SPOCK1: variants seen among roughly 807,000 people sequenced by gnomAD.
SPOCK1 encodes SPARC (osteonectin), cwcv and kazal like domains proteoglycan 1, also known as testican-1.
In SPOCK1, 23 loss-of-function variants were observed where a neutral mutation model predicts 55.3. That is an observed-to-expected ratio of 0.42 (90% CI 0.30 to 0.59). SPOCK1 has a LOEUF of 0.59. SPOCK1 is among the 20% of genes least tolerant of loss of function. SPOCK1 has a pLI of 0.22. For missense variants in SPOCK1, 499 were observed against 552.5 expected, an observed-to-expected ratio of 0.90 and a Z score of 0.97; for synonymous variants, 226 against 221.0, an observed-to-expected ratio of 1.02 and a Z score of -0.20.
At chr5:137,223,861 T>C (rs6876013) in intron 3 of SPOCK1, among the ~76,000 whole-genome samples, 60,016 of 152,004 alleles carry the variant, frequency 0.39, 12,919 homozygotes, top group Non-Finnish European at 0.47. Context: ...TTTGTGGGCA[T>C]CAGTTCATAA....
intron 2 of SPOCK1, among the ~76,000 whole-genome samples, chr5:137,400,458 T>C (rs1751950980): frequency 6.6e-6 from 1 of 152,180 alleles, no homozygotes; most frequent in Admixed American, 6.5e-5. Flanking sequence ...GTAGAGTCTC[T>C]ACCCACATGT....
intron 6 of SPOCK1, among the ~76,000 whole-genome samples, chr5:137,035,085 C>T (rs566795876): frequency 8.7e-4 from 132 of 152,306 alleles, no homozygotes; most frequent in Non-Finnish European, 1.5e-3. Context: ...ACTCCTCAGG[C>T]CCTGAGCCTG....
Position 137,437,429 on chromosome 5 carries a change from A to G in SPOCK1, c.186+60944T>C, listed in dbSNP as rs185971389. On this transcript the variant is annotated intron_variant, in intron 2 of 10. Coordinates refer to ENST00000394945, the MANE Select transcript of SPOCK1 (RefSeq NM_004598.4). ...CAATTTTATTGAGATCATCATCCGT[A>G]TACCATACAATTCACCCAATTAAAG... Among the ~76,000 whole-genome samples the G allele has an allele frequency of 7.2e-5, 11 of 152,370 alleles. No homozygotes were observed. The East Asian group carries it at 2.1e-3, about 29-fold the overall frequency.
rs116579988 is a variant in SPOCK1 at position 137,445,373 on chromosome 5, C to T, written c.186+53000G>A. ...TTTGTGATCATACTTTTCCTTCAAC[C>T]CTATGAATGGTCTACTTAAATTCAG... On this transcript the variant is annotated intron_variant, in intron 2 of 10. Coordinates refer to ENST00000394945, the MANE Select transcript of SPOCK1 (RefSeq NM_004598.4). Among the ~76,000 whole-genome samples, 1,089 of 152,160 alleles carry T rather than the reference C, an allele frequency of 7.2e-3. 10 individuals are homozygous for T. Among genetic ancestry groups the T allele is most frequent in the African/African-American group, 0.025 (1,026 of 41,494 alleles).
chr5:137,068,087 A>G (rs1296755026), intron 5 of SPOCK1, among the ~76,000 whole-genome samples: 3 of 152,174 alleles, frequency 2.0e-5, no homozygotes, highest in Non-Finnish European at 2.9e-5. Flanking sequence ...CCCTACTGTC[A>G]CTATTTCTAA....
intron 2 of SPOCK1, among the ~76,000 whole-genome samples, chr5:137,346,800 G>A (rs559161325): frequency 5.3e-5 from 8 of 152,272 alleles, no homozygotes; most frequent in Non-Finnish European, 7.3e-5. Flanking sequence ...AAACAAAAAC[G>A]TGCAATACGT....
At chr5:137,067,510 G>C (rs1359641514) in intron 6 of SPOCK1, among the ~76,000 whole-genome samples, 1 of 152,196 alleles carries the variant, frequency 6.6e-6, no homozygotes, top group Non-Finnish European at 1.5e-5. Context: ...TGGTCTAACA[G>C]GATTATTTTC....
At chr5:137,398,517 C>G (rs983061714) in intron 2 of SPOCK1, among the ~76,000 whole-genome samples, 2 of 152,170 alleles carry the variant, frequency 1.3e-5, no homozygotes, top group African/African-American at 4.8e-5. Flanking sequence ...TTATCTCTGA[C>G]TCAATCCCTT....
At chr5:137,312,358 G>C (rs1757802658) in intron 2 of SPOCK1, among the ~76,000 whole-genome samples, 2 of 152,128 alleles carry the variant, frequency 1.3e-5, no homozygotes, top group Non-Finnish European at 2.9e-5. Context: ...GGATCTGCTT[G>C]ATCTCATCCC....
At chr5:137,353,405 TATAA>T (rs1222823571) in intron 2 of SPOCK1, among the ~76,000 whole-genome samples, 1 of 151,894 alleles carries the variant, frequency 6.6e-6, no homozygotes, top group Non-Finnish European at 1.5e-5. Flanking sequence ...TAAATAAAAA[TATAA>T]ATAAATTGTG....
At chr5:137,327,086 T>G (rs1001427431) in intron 2 of SPOCK1, among the ~76,000 whole-genome samples, 2 of 152,218 alleles carry the variant, frequency 1.3e-5, no homozygotes, top group Non-Finnish European at 2.9e-5. Context: ...CTTCCTGATG[T>G]GGATAGGGAG....
intron 2 of SPOCK1, among the ~76,000 whole-genome samples, chr5:137,479,044 G>A (rs1388522917): frequency 1.3e-5 from 2 of 151,440 alleles, no homozygotes; most frequent in African/African-American, 4.9e-5. Flanking sequence ...GGTCATGCAA[G>A]GTTCACCAGG....
chr5:137,246,461 A>C (rs139245912), intron 3 of SPOCK1, among the ~76,000 whole-genome samples: 1 of 152,190 alleles, frequency 6.6e-6, no homozygotes, highest in Admixed American at 6.5e-5. Context: ...ATCAAACATA[A>C]CATATTTTCT....
intron 2 of SPOCK1, among the ~76,000 whole-genome samples, chr5:137,465,887 A>G (rs980244891): frequency 6.6e-6 from 1 of 152,230 alleles, no homozygotes; most frequent in African/African-American, 2.4e-5. Flanking sequence ...TGCATACAAA[A>G]TTACAGCACA....
intron 5 of SPOCK1, among the ~76,000 whole-genome samples, chr5:137,096,486 G>A (rs1753149353): frequency 6.6e-6 from 1 of 152,088 alleles, no homozygotes. Flanking sequence ...CCTGGGCTGG[G>A]CTTGTGATCA....
At chr5:137,313,592 T>C in intron 2 of SPOCK1, 1 of 525,922 alleles carries the variant, frequency 1.9e-6, no homozygotes, top group Non-Finnish European at 2.4e-6. Flanking sequence ...CCCATTCTTC[T>C]AAGCTCCCAG....
At chr5:137,387,001 A>C (rs529129380) in intron 2 of SPOCK1, among the ~76,000 whole-genome samples, 23 of 152,364 alleles carry the variant, frequency 1.5e-4, no homozygotes, top group Non-Finnish European at 3.4e-4. Flanking sequence ...TAAGTCAAAG[A>C]CCTTAACAGA....
At chr5:137,478,354 T>C (rs1753879629) in intron 2 of SPOCK1, among the ~76,000 whole-genome samples, 1 of 152,100 alleles carries the variant, frequency 6.6e-6, no homozygotes, top group East Asian at 1.9e-4. Flanking sequence ...ACACAATCTC[T>C]TGTAGCAAGA....
chr5:137,141,467 T>C (rs1022031755), intron 3 of SPOCK1, among the ~76,000 whole-genome samples: 1 of 152,232 alleles, frequency 6.6e-6, no homozygotes, highest in African/African-American at 2.4e-5. Flanking sequence ...TTTTAAGTTT[T>C]TGAAGAACTT....
Sources: gnomAD v4.1 joint callset for allele counts (sites outside exome capture counted in the v4.1 genomes callset) on GRCh38, gnomAD v4.1.1 for gene constraint, MANE v1.5 for transcripts, NCBI Gene and HGNC (gene_info 2026-07-23, HGNC 2026-07-21) for gene names.